The following ATP2B1 variants were observed in gnomAD, a reference collection of about 807,000 sequenced individuals.
The protein encoded by ATP2B1 is plasma membrane calcium-transporting ATPase 1.
Under a neutral mutation model 124.2 loss-of-function variants are expected in ATP2B1, and 14 were observed. That is an observed-to-expected ratio of 0.11 (90% CI 0.07 to 0.18). The LOEUF is 0.18. Ranked by LOEUF, ATP2B1 falls within the 10% of genes least tolerant of loss-of-function variation. ATP2B1 has a pLI of 1.00. For missense variants in ATP2B1, 763 were observed against 1,466.1 expected (o/e 0.52, Z 7.83); for synonymous variants, 449 against 492.4 (o/e 0.91, Z 1.17).
chr12:89,627,506 T>C (rs183146893), intron 7 of ATP2B1, among the ~76,000 whole-genome samples, 172 bp downstream of exon 7: 3 of 152,192 alleles, frequency 2.0e-5, no homozygotes, highest in Admixed American at 6.5e-5. Context: ...CTTATTAACA[T>C]TGCAGTGACG....
chr12:89,669,163 T>C (rs910401864), intron 1 of ATP2B1, among the ~76,000 whole-genome samples: 4 of 152,162 alleles, frequency 2.6e-5, no homozygotes, highest in African/African-American at 9.7e-5. Flanking sequence ...CAGCTTACAG[T>C]TTAATCTTTC....
At chr12:89,623,503 CAAG>C (rs979146019) in intron 9 of ATP2B1, among the ~76,000 whole-genome samples, 5 of 152,224 alleles carry the variant, frequency 3.3e-5, no homozygotes, top group African/African-American at 4.8e-5. Context: ...ACTTGGAAAA[CAAG>C]AAGGACTGAG....
At chr12:89,670,199 T>C (rs1369914247) in intron 1 of ATP2B1, among the ~76,000 whole-genome samples, 1 of 152,074 alleles carries the variant, frequency 6.6e-6, no homozygotes, top group African/African-American at 2.4e-5. Context: ...ATACTGTAAA[T>C]GGACAAGAAC....
At chr12:89,655,605 A>C in intron 2 of ATP2B1, 74 bp downstream of exon 2, 1 of 1,372,814 alleles carries the variant, frequency 7.3e-7, no homozygotes, top group Non-Finnish European at 1.0e-6. Flanking sequence ...AGATAATATA[A>C]GCATGCTCAT....
intron 1 of ATP2B1, among the ~76,000 whole-genome samples, chr12:89,675,325 G>A (rs745710077): frequency 3.9e-5 from 6 of 152,118 alleles, no homozygotes; most frequent in Non-Finnish European, 8.8e-5. Flanking sequence ...AAATTTAACA[G>A]TATAGAGAGA....
intron 1 of ATP2B1, among the ~76,000 whole-genome samples, chr12:89,689,708 T>C (rs2136713590): frequency 6.6e-6 from 1 of 152,288 alleles, no homozygotes; most frequent in Middle Eastern, 3.4e-3. Flanking sequence ...TCCATTTGTC[T>C]ATTTTAAACA....
chr12:89,701,344 C>T (rs909579706), intron 1 of ATP2B1, among the ~76,000 whole-genome samples: 5 of 152,110 alleles, frequency 3.3e-5, no homozygotes, highest in African/African-American at 1.2e-4. Flanking sequence ...TTTATTATCC[C>T]TTTGTCTTAG....
chr12:89,665,166 C>G (rs1022821696), intron 1 of ATP2B1, among the ~76,000 whole-genome samples: 26 of 152,174 alleles, frequency 1.7e-4, no homozygotes, highest in African/African-American at 6.0e-4. Context: ...TAACTGAAAG[C>G]AGACTACTTT....
chr12:89,707,217 G>A (rs2136926237), intron 1 of ATP2B1, among the ~76,000 whole-genome samples: 2 of 152,242 alleles, frequency 1.3e-5, no homozygotes, highest in Middle Eastern at 6.8e-3. Flanking sequence ...GGGGCAAGTG[G>A]TGAAGGCCCT....
intron 12 of ATP2B1, among the ~76,000 whole-genome samples, chr12:89,614,142 A>G (rs1312071342): frequency 6.6e-6 from 1 of 152,182 alleles, no homozygotes; most frequent in Non-Finnish European, 1.5e-5. Flanking sequence ...ATTTCATGTT[A>G]AAGTTTAAAC....
chr12:89,671,941 A>G (rs1300005799), intron 1 of ATP2B1, among the ~76,000 whole-genome samples: 4 of 152,134 alleles, frequency 2.6e-5, no homozygotes, highest in Non-Finnish European at 4.4e-5. Context: ...AAGAAATGCA[A>G]TCTCTATCCT....
chr12:89,663,177 TA>T (rs1886899801), intron 1 of ATP2B1, among the ~76,000 whole-genome samples: 1 of 152,204 alleles, frequency 6.6e-6, no homozygotes, highest in African/African-American at 2.4e-5. Flanking sequence ...TAACACTGTT[TA>T]AAAGAATATG....
At chr12:89,614,037 T>A (rs930013264) in intron 12 of ATP2B1, among the ~76,000 whole-genome samples, 1 of 152,226 alleles carries the variant, frequency 6.6e-6, no homozygotes, top group Non-Finnish European at 1.5e-5. Context: ...GCCATTTACA[T>A]GCTTTAAAAA....
rs550519028 is a variant in ATP2B1 at position 89,702,491 on chromosome 12, A to G, written c.-222+6105T>C. On this transcript the variant is annotated intron_variant, in intron 1 of 20. Transcript: ENST00000428670. The stretch of plus-strand genomic sequence containing the variant: ...GATTATTATTTAAAATCCTCCTGAG[A>G]GAGAACTCACTCACAGGGTTAATAC... 7.2e-5 allele frequency among the ~76,000 whole-genome samples: 11 copies of G among 152,366 alleles called. No homozygotes were observed. In the East Asian group the frequency reaches 1.9e-3, roughly 27 times the overall value.
intron 18 of ATP2B1, 93 bp downstream of exon 18, chr12:89,602,950 C>T: frequency 9.0e-7 from 1 of 1,116,188 alleles, no homozygotes; most frequent in Admixed American, 2.0e-5. Flanking sequence ...CAGTTCCACA[C>T]ATGTTCCACA....
chr12:89,616,404 A>T (rs932629483), intron 12 of ATP2B1, among the ~76,000 whole-genome samples: 24 of 152,342 alleles, frequency 1.6e-4, no homozygotes, highest in African/African-American at 5.1e-4. Flanking sequence ...CAGTATTCAC[A>T]CATGGCTAGT....
chr12:89,606,679 T>C (rs1876949500), intron 15 of ATP2B1, among the ~76,000 whole-genome samples: 1 of 150,722 alleles, frequency 6.6e-6, no homozygotes, highest in Non-Finnish European at 1.5e-5. Context: ...GTTCACGCCA[T>C]TCTCCTGCCT....
chr12:89,632,684 G>A (rs1053040722), intron 5 of ATP2B1, among the ~76,000 whole-genome samples: 1 of 152,088 alleles, frequency 6.6e-6, no homozygotes, highest in African/African-American at 2.4e-5. Flanking sequence ...AGTCAGAGAT[G>A]GCATCATGAG....
chr12:89,708,996 G>C (rs1892887680), upstream of ATP2B1: 1 of 151,204 alleles, frequency 6.6e-6, no homozygotes, highest in Non-Finnish European at 1.5e-5. Flanking sequence ...CTCGGCACGG[G>C]CAGCTCAGCC....
Sources: allele counts gnomAD v4.1 joint callset (sites outside exome capture counted in the v4.1 genomes callset), GRCh38; gene constraint gnomAD v4.1.1; transcripts MANE v1.5; gene names NCBI Gene and HGNC (gene_info 2026-07-23, HGNC 2026-07-21).